Variants in SUGCT observed in about 807,000 individuals in gnomAD.
SUGCT encodes succinyl-CoA:glutarate-CoA transferase.
In SUGCT, 41 loss-of-function variants were observed where a neutral mutation model predicts 55.0. The ratio of observed to expected loss-of-function variants is 0.74; its 90% CI spans 0.58 to 0.97. The LOEUF (loss-of-function observed/expected upper bound fraction) is 0.97, where lower values mean the gene tolerates loss of function less well. SUGCT is among the 50% of genes least tolerant of loss of function. SUGCT has a pLI of 0.00. For synonymous variants in SUGCT, 187 were observed against 200.4 expected, an observed-to-expected ratio of 0.93 and a Z score of 0.56; for missense variants, 568 against 547.8, an observed-to-expected ratio of 1.04 and a Z score of -0.37.
chr7:40,987,287 A>G, the SUGCT span, among the ~76,000 whole-genome samples: 2 of 152,162 alleles, frequency 1.3e-5, no homozygotes, highest in African/African-American at 2.4e-5. Context: ...AGGGGACTGC[A>G]ATCCAGGCTG....
intron 13 of SUGCT, among the ~76,000 whole-genome samples, chr7:40,851,155 G>C (rs1793831000): frequency 1.3e-5 from 2 of 152,136 alleles, no homozygotes; most frequent in African/African-American, 4.8e-5. Flanking sequence ...TCCAGCTCTA[G>C]AACCCACAGT....
chr7:40,391,775 C>T (rs1329722334), intron 9 of SUGCT, among the ~76,000 whole-genome samples: 1 of 152,116 alleles, frequency 6.6e-6, no homozygotes, highest in African/African-American at 2.4e-5. Flanking sequence ...CCAGCCATCC[C>T]ATTACTGGTC....
intron 13 of SUGCT, among the ~76,000 whole-genome samples, chr7:40,816,049 G>A (rs1476915935): frequency 1.3e-5 from 2 of 152,236 alleles, no homozygotes; most frequent in Non-Finnish European, 2.9e-5. Flanking sequence ...ACGTTGCCAA[G>A]CTGGCAAGTC....
At chr7:40,423,948 C>G (rs1247450513) in intron 9 of SUGCT, among the ~76,000 whole-genome samples, 1 of 151,804 alleles carries the variant, frequency 6.6e-6, no homozygotes, top group African/African-American at 2.4e-5. Flanking sequence ...ATTTTTTTGA[C>G]AAAATATTTG....
At position 40,363,149 on chromosome 7, in the gene SUGCT, G is replaced by A. The variant is rs370916046; in HGVS notation, c.816+46294G>A. 1.9e-3 allele frequency among the ~76,000 whole-genome samples: 296 copies of A among 151,838 alleles called. 12 individuals carry two copies. The South Asian group carries it at 0.059, about 30-fold the overall frequency. On this transcript the variant is annotated intron_variant, in intron 9 of 13. Transcript: ENST00000335693. ...TGGTAGTTTGTATTTCTGTGGGATC[G>A]GTGGTGATATCCCCTTTATCATTTT...
chr7:40,955,989 T>C, the SUGCT span, among the ~76,000 whole-genome samples: 3 of 152,206 alleles, frequency 2.0e-5, no homozygotes, highest in Admixed American at 2.0e-4. Context: ...AAGTTGATCA[T>C]GGTGGATAAG....
intron 1 of SUGCT, among the ~76,000 whole-genome samples, chr7:40,151,400 C>T (rs1445784305): frequency 2.6e-5 from 4 of 152,218 alleles, no homozygotes; most frequent in Non-Finnish European, 4.4e-5. Context: ...TGGACATGTC[C>T]TTTTCACTGG....
intron 6 of SUGCT, among the ~76,000 whole-genome samples, chr7:40,228,512 T>G (rs74415253): frequency 0.033 from 4,970 of 151,900 alleles, 295 homozygotes; most frequent in African/African-American, 0.11. Flanking sequence ...GTGTGTGTGT[T>G]TTTGTTGTTT....
chr7:40,879,241 T>C, the SUGCT span, among the ~76,000 whole-genome samples: 1 of 152,220 alleles, frequency 6.6e-6, no homozygotes, highest in Admixed American at 6.5e-5. Context: ...ACCTATTTAC[T>C]AGGCAAAATT....
At chr7:40,334,834 A>G (rs1355064687) in intron 9 of SUGCT, among the ~76,000 whole-genome samples, 4 of 152,172 alleles carry the variant, frequency 2.6e-5, no homozygotes, top group African/African-American at 4.8e-5. Flanking sequence ...GCCCATGCCT[A>G]TGTCCTGAAT....
intron 12 of SUGCT, among the ~76,000 whole-genome samples, chr7:40,507,706 T>C (rs1792686038): frequency 6.6e-6 from 1 of 152,154 alleles, no homozygotes; most frequent in Non-Finnish European, 1.5e-5. Flanking sequence ...AGAGTTTAAG[T>C]ACCTCGTGCC....
intron 5 of SUGCT, among the ~76,000 whole-genome samples, chr7:40,190,472 C>T (rs1785825738): frequency 6.6e-6 from 1 of 152,110 alleles, no homozygotes; most frequent in Non-Finnish European, 1.5e-5. Flanking sequence ...CTGGTTCGAA[C>T]TCCTTACTTC....
In SUGCT at chr7:40,311,625, G is replaced by A. The variant is rs576512098; in HGVS notation, c.721-5135G>A. 2.6e-4 allele frequency among the ~76,000 whole-genome samples: 39 copies of A among 152,102 alleles called. No individual in the cohort carries two copies. In the South Asian group the frequency reaches 5.6e-3, roughly 22 times the overall value. The stretch of plus-strand genomic sequence containing the variant: ...ACCCCTTTCCTGCCTTTGAGCTTTC[G>A]CACATGTTACTCTTTGTTTTCCAGT... On this transcript the variant is annotated intron_variant, in intron 8 of 13. Coordinates refer to ENST00000335693, the MANE Select transcript of SUGCT (RefSeq NM_001193313.2).
At chr7:40,657,746 C>T (rs191241704) in intron 12 of SUGCT, among the ~76,000 whole-genome samples, 3 of 152,132 alleles carry the variant, frequency 2.0e-5, no homozygotes, top group Non-Finnish European at 4.4e-5. Context: ...ATGTTGGCCA[C>T]GCTGATCTTG....
chr7:41,005,931 C>T, the SUGCT span, among the ~76,000 whole-genome samples: 4 of 152,200 alleles, frequency 2.6e-5, no homozygotes, highest in East Asian at 3.9e-4. Context: ...CAGACTGCAA[C>T]GTTCATTCAC....
chr7:40,556,132 T>A (rs1795549930), intron 12 of SUGCT, among the ~76,000 whole-genome samples: 1 of 152,194 alleles, frequency 6.6e-6, no homozygotes, highest in Non-Finnish European at 1.5e-5. Context: ...CCAGATCCCT[T>A]GAGTCCACTT....
At chr7:40,267,375 CTA>C (rs1055958807) in intron 7 of SUGCT, among the ~76,000 whole-genome samples, 3 of 152,192 alleles carry the variant, frequency 2.0e-5, no homozygotes, top group African/African-American at 7.2e-5. Context: ...ATTTCTAGAG[CTA>C]TAATTTAATA....
the SUGCT span, among the ~76,000 whole-genome samples, chr7:41,024,129 T>C: frequency 0.1 from 15,944 of 152,242 alleles, 1,781 homozygotes; most frequent in African/African-American, 0.28. Flanking sequence ...TTCAATGATT[T>C]TGTGGAAACT....
At chr7:40,749,713 C>T (rs928843143) in intron 13 of SUGCT, among the ~76,000 whole-genome samples, 4 of 152,038 alleles carry the variant, frequency 2.6e-5, no homozygotes, top group Admixed American at 6.5e-5. Flanking sequence ...CGGATTGCCA[C>T]GATGACAAAA....
Sources: gnomAD v4.1 joint callset for allele counts (sites outside exome capture counted in the v4.1 genomes callset) on GRCh38, gnomAD v4.1.1 for gene constraint, MANE v1.5 for transcripts, NCBI Gene and HGNC (gene_info 2026-07-23, HGNC 2026-07-21) for gene names.